SBF2: variants seen among roughly 807,000 people sequenced by gnomAD.
SBF2 encodes the protein myotubularin-related protein 13.
In SBF2, 112 loss-of-function variants were observed where a neutral mutation model predicts 225.2. The observed-to-expected ratio is 0.50, with a 90% CI of 0.43 to 0.58. The LOEUF (loss-of-function observed/expected upper bound fraction) is 0.58. Among genes scored for constraint, SBF2 ranks in the 20% least tolerant of loss-of-function variants. The pLI is 0.00. For missense variants in SBF2, 1,996 were observed against 2,206.2 expected (o/e 0.90, Z 1.91); for synonymous variants, 763 against 773.3 (o/e 0.99, Z 0.22).
chr11:10,089,852 T>C (rs1186034137), intron 2 of SBF2, among the ~76,000 whole-genome samples: 1 of 152,088 alleles, frequency 6.6e-6, no homozygotes, highest in Non-Finnish European at 1.5e-5. Context: ...AATATTCAAA[T>C]ACTCAACAAT....
intron 2 of SBF2, among the ~76,000 whole-genome samples, chr11:10,090,988 T>C (rs1951762324): frequency 6.6e-6 from 1 of 151,796 alleles, no homozygotes; most frequent in Non-Finnish European, 1.5e-5. Context: ...TCCAAGAAAA[T>C]GGTATCTGAG....
At chr11:10,273,736 C>T (rs992707355) in intron 1 of SBF2, among the ~76,000 whole-genome samples, 1 of 152,226 alleles carries the variant, frequency 6.6e-6, no homozygotes, top group Non-Finnish European at 1.5e-5. Context: ...AATGGAATAT[C>T]TCCTGAAGCA....
At chr11:10,034,692 A>G (rs1469241924) in intron 3 of SBF2, among the ~76,000 whole-genome samples, 1 of 152,232 alleles carries the variant, frequency 6.6e-6, no homozygotes, top group Non-Finnish European at 1.5e-5. Flanking sequence ...TTAATTCCAC[A>G]AGTAAAAAAT....
intron 1 of SBF2, among the ~76,000 whole-genome samples, chr11:10,289,360 C>A (rs1964014574): frequency 1.3e-5 from 2 of 152,148 alleles, no homozygotes; most frequent in Admixed American, 1.3e-4. Flanking sequence ...ACAGCTCTGA[C>A]TTGGGTGGCT....
intron 2 of SBF2, among the ~76,000 whole-genome samples, chr11:10,049,437 C>T (rs948892062): frequency 1.3e-4 from 20 of 152,000 alleles, no homozygotes; most frequent in Non-Finnish European, 2.5e-4. Context: ...TGAAACCCCA[C>T]TTCTACTGAA....
chr11:9,974,935 G>A (rs1946609142), intron 13 of SBF2, among the ~76,000 whole-genome samples: 1 of 126,210 alleles, frequency 7.9e-6, no homozygotes, highest in Non-Finnish European at 1.6e-5. Flanking sequence ...ACTCCAGCCT[G>A]GGCAACAACA....
chr11:10,077,883 A>G (rs1229928212), intron 2 of SBF2, among the ~76,000 whole-genome samples: 1 of 152,242 alleles, frequency 6.6e-6, no homozygotes, highest in Non-Finnish European at 1.5e-5. Flanking sequence ...TCTGCAAACT[A>G]TCCATCTGAC....
chr11:9,849,630 C>A (rs1856785703), intron 22 of SBF2, among the ~76,000 whole-genome samples: 1 of 152,144 alleles, frequency 6.6e-6, no homozygotes, highest in Non-Finnish European at 1.5e-5. Flanking sequence ...GTTAGCATAT[C>A]CTTCCACAAA....
In SBF2 at chr11:9,989,417, A is replaced by C. The variant is rs11826263; in HGVS notation, c.1395+80T>G. ...AAGAGCTCACTCACGTAACCACGTA[A>C]CACCCGTACCCCAATAACTTACGGA... On this transcript the variant is annotated intron_variant, in intron 13 of 39. Transcript: ENST00000256190. 66,961 of 889,016 alleles carry C rather than the reference A, an allele frequency of 0.075. 3,160 individuals carry two copies. The highest frequency in any genetic ancestry group is 0.18 in the Middle Eastern group (530 of 2,922). 55.1% of individuals were successfully genotyped at this position (889,016 alleles called of 1,614,324 possible). A position where few individuals can be genotyped will look rare whatever the true frequency, so the allele number is the denominator to read the frequency against.
At chr11:9,945,059 T>G (rs1022877540) in intron 16 of SBF2, among the ~76,000 whole-genome samples, 1 of 152,060 alleles carries the variant, frequency 6.6e-6, no homozygotes, top group Non-Finnish European at 1.5e-5. Flanking sequence ...GGGCCATGAT[T>G]GCACCACTGC....
At chr11:10,058,511 G>A (rs1193894672) in intron 2 of SBF2, among the ~76,000 whole-genome samples, 1 of 152,162 alleles carries the variant, frequency 6.6e-6, no homozygotes, top group Non-Finnish European at 1.5e-5. Context: ...AGAAGTATGA[G>A]ATTATGTAAA....
chr11:10,063,858 C>CACACAG (rs373423157), intron 2 of SBF2, among the ~76,000 whole-genome samples: 4,695 of 136,034 alleles, frequency 0.035, 96 homozygotes, highest in Middle Eastern at 0.11. Context: ...CACACACACA[C>CACACAG]AGAGAGAGAG....
chr11:9,794,476 C>T (rs1852962958), intron 33 of SBF2, among the ~76,000 whole-genome samples: 2 of 151,192 alleles, frequency 1.3e-5, no homozygotes, highest in South Asian at 4.2e-4. Context: ...ACCAGCCTGG[C>T]CAACATGGTG....
intron 16 of SBF2, among the ~76,000 whole-genome samples, chr11:9,915,986 C>A (rs1863052121): frequency 6.6e-6 from 1 of 152,146 alleles, no homozygotes; most frequent in African/African-American, 2.4e-5. Context: ...ATCGCTTGAA[C>A]CTGGGAGGCG....
At chr11:9,881,399 A>G (rs780555913) in intron 17 of SBF2, among the ~76,000 whole-genome samples, 9 of 152,180 alleles carry the variant, frequency 5.9e-5, no homozygotes, top group Non-Finnish European at 1.2e-4. Context: ...AGTGAAACTG[A>G]TAACACAGTT....
At chr11:10,289,701 G>A (rs764008664) in intron 1 of SBF2, among the ~76,000 whole-genome samples, 2 of 152,116 alleles carry the variant, frequency 1.3e-5, no homozygotes, top group African/African-American at 2.4e-5. Context: ...ACAGGAACCC[G>A]GTGCCCTCGG....
intron 2 of SBF2, among the ~76,000 whole-genome samples, chr11:10,050,977 G>A (rs1950041296): frequency 1.3e-5 from 2 of 152,144 alleles, no homozygotes; most frequent in South Asian, 2.1e-4. Context: ...TCTATTAAAT[G>A]AGCAGTCAGA....
intron 1 of SBF2, among the ~76,000 whole-genome samples, chr11:10,260,654 G>A (rs1364040321): frequency 6.9e-6 from 1 of 144,978 alleles, no homozygotes; most frequent in South Asian, 2.2e-4. Flanking sequence ...AGTGAGCCGA[G>A]ATTGCGCCAC....
intron 30 of SBF2, among the ~76,000 whole-genome samples, chr11:9,812,182 C>T (rs1223618537): frequency 6.6e-6 from 1 of 151,906 alleles, no homozygotes; most frequent in Non-Finnish European, 1.5e-5. Flanking sequence ...TTGCCCTCTG[C>T]CCTGGATCCT....
Sources: gnomAD v4.1 joint callset for allele counts (sites outside exome capture counted in the v4.1 genomes callset) on GRCh38, gnomAD v4.1.1 for gene constraint, MANE v1.5 for transcripts, NCBI Gene and HGNC (gene_info 2026-07-23, HGNC 2026-07-21) for gene names.